Variants in SUPT6H observed in about 807,000 individuals in gnomAD.
The protein encoded by SUPT6H is SPT6 homolog, histone chaperone and transcription elongation factor.
In SUPT6H, 11 loss-of-function variants were observed where a neutral mutation model predicts 222.3. The ratio of observed to expected loss-of-function variants is 0.05; its 90% CI spans 0.03 to 0.08. SUPT6H has a LOEUF of 0.08. Among genes scored for constraint, SUPT6H ranks in the 10% least tolerant of loss-of-function variants. The probability of loss-of-function intolerance (pLI) is 1.00; values close to 1 mark genes in which losing one functional copy is unlikely to be tolerated. For synonymous variants in SUPT6H, 762 were observed against 801.2 expected (o/e 0.95, Z 0.83); for missense variants, 1,422 against 2,216.0 (o/e 0.64, Z 7.19).
chr17:28,665,812 A>C (rs984531047), intron 1 of SUPT6H, among the ~76,000 whole-genome samples: 1 of 152,192 alleles, frequency 6.6e-6, no homozygotes, highest in Non-Finnish European at 1.5e-5. Flanking sequence ...GCTACCTGGG[A>C]GGCTGAGGTG....
At position 28,682,767 on chromosome 17, in the gene SUPT6H, T is replaced by G; in HGVS notation, c.1638T>G (p.Phe546Leu). Residue 546 changes from phenylalanine (F) to leucine (L), a missense_variant, in exon 14 of 37, where the codon TTT becomes TTG. Transcript: ENST00000314616. Reference protein sequence around the residue: ...AKKFGLTPEQFGENLRDSYQR... With the variant: ...AKKFGLTPEQLGENLRDSYQR... ...AGTTTGGGCTTACTCCCGAGCAGTT[T>G]GGGGAGAACCTGCGGGATAGCTACC... The G allele has an allele frequency of 6.2e-7, 1 of 1,614,180 alleles. No individual in the cohort carries two copies. The highest frequency in any genetic ancestry group is 8.5e-7 in the Non-Finnish European group (1 of 1,180,010).
intron 1 of SUPT6H, among the ~76,000 whole-genome samples, chr17:28,667,728 CCATTGCTCT>C (rs1267518661): frequency 6.6e-6 from 1 of 151,460 alleles, no homozygotes; most frequent in African/African-American, 2.4e-5. Context: ...CCCAACCTTC[CCATTGCTCT>C]CATAGTCCAG....
chr17:28,680,403 G>C (rs1420989964), intron 11 of SUPT6H, among the ~76,000 whole-genome samples: 1 of 152,066 alleles, frequency 6.6e-6, no homozygotes, highest in Non-Finnish European at 1.5e-5. Context: ...TTTGAGACCA[G>C]ACTGGCCAAC....
chr17:28,695,173 G>T (rs1033410535), intron 28 of SUPT6H, 179 bp from the exon 29 acceptor site: 1 of 625,756 alleles, frequency 1.6e-6, no homozygotes, highest in Non-Finnish European at 2.8e-6. Flanking sequence ...TTGGCCTGTA[G>T]TCTACAGACA....
At position 28,690,508 on chromosome 17, in the gene SUPT6H, C is replaced by G. The variant is rs536353785; in HGVS notation, c.3490+279C>G. Among the ~76,000 whole-genome samples, 8 of 152,338 alleles carry G rather than the reference C, an allele frequency of 5.3e-5. No individual in the cohort carries two copies. The East Asian group carries it at 1.3e-3, about 26-fold the overall frequency. The stretch of plus-strand genomic sequence containing the variant: ...TCAGGGGAACGGCCAGGCACAGTGG[C>G]TCATGCCTGTAATCCCAGCACTTTG... On this transcript the variant is annotated intron_variant, in intron 26 of 36. Transcript: ENST00000314616.
chr17:28,701,145 T>C lies in SUPT6H; in HGVS notation c.4994+17T>C. 6.3e-7 allele frequency: 1 copy of C among 1,599,108 alleles called. No individual in the cohort carries two copies. Among genetic ancestry groups the C allele is most frequent in the Middle Eastern group, 1.7e-4 (1 of 5,954 alleles). Reference sequence around the variant, plus strand: ...GCAGCCAAAGTAAGTATCTGGATGGTGGCACAGTGCAGGTCAGTGGTAGGG... The same window carrying C: ...GCAGCCAAAGTAAGTATCTGGATGGCGGCACAGTGCAGGTCAGTGGTAGGG... On this transcript the variant is annotated intron_variant, in intron 36 of 36. Coordinates refer to ENST00000314616, the MANE Select transcript of SUPT6H (RefSeq NM_003170.5).
intron 24 of SUPT6H, chr17:28,689,105 C>A: frequency 2.3e-6 from 1 of 442,718 alleles, no homozygotes; most frequent in Non-Finnish European, 4.0e-6. Flanking sequence ...ACTAACTACC[C>A]ATTTACTACA....
At chr17:28,700,889 A>C in intron 35 of SUPT6H, 52 bp from the exon 36 acceptor site, 1 of 1,554,852 alleles carries the variant, frequency 6.4e-7, no homozygotes, top group Non-Finnish European at 8.8e-7. Context: ...ATTCACAGCA[A>C]GGCCAAACAA....
chr17:28,677,920 G>GA (rs1386412426), intron 8 of SUPT6H, 104 bp downstream of exon 8: 1 of 1,324,614 alleles, frequency 7.5e-7, no homozygotes, highest in Admixed American at 1.8e-5. Flanking sequence ...CCTGGTATTA[G>GA]AAAACTGTGT....
intron 9 of SUPT6H, 29 bp downstream of exon 9, chr17:28,678,221 G>A: frequency 6.3e-7 from 1 of 1,587,874 alleles, no homozygotes; most frequent in South Asian, 1.1e-5. Flanking sequence ...GTGGCCCATT[G>A]GTGAGAAATT....
chr17:28,685,830 C>T (rs186720292), intron 19 of SUPT6H, among the ~76,000 whole-genome samples: 11 of 152,278 alleles, frequency 7.2e-5, no homozygotes, highest in African/African-American at 2.4e-4. Context: ...GTCCTAACTA[C>T]TCACATTTTA....
Position 28,689,348 on chromosome 17 carries a change from C to T in SUPT6H, c.3135-6C>T. On this transcript the variant is annotated splice_region_variant and splice_polypyrimidine_tract_variant and intron_variant, in intron 24 of 36. Transcript: ENST00000314616. ...ATATCCTGTTCCTTTTCTGCCTTTCCTCCAGCACTGACTCATATATTGAAG... is the reference window on the plus strand; with the variant it reads ...ATATCCTGTTCCTTTTCTGCCTTTCTTCCAGCACTGACTCATATATTGAAG... 2 of 1,614,040 alleles carry T rather than the reference C, an allele frequency of 1.2e-6. No homozygotes were observed. The highest frequency in any genetic ancestry group is 1.7e-6 in the Non-Finnish European group (2 of 1,179,962).
chr17:28,683,590 C>T, intron 16 of SUPT6H, 31 bp from the exon 17 acceptor site: 1 of 1,606,022 alleles, frequency 6.2e-7, no homozygotes, highest in East Asian at 2.2e-5. Context: ...TTTCTCCATT[C>T]CTGACACCAT....
chr17:28,679,360 G>A (rs941637199), intron 11 of SUPT6H, among the ~76,000 whole-genome samples: 3 of 151,880 alleles, frequency 2.0e-5, no homozygotes, highest in African/African-American at 4.8e-5. Flanking sequence ...GCAACAGAGC[G>A]AGACTTCGTC....
chr17:28,685,526 C>T lies in SUPT6H; in HGVS notation c.2487+565C>T, dbSNP rs1469110117. On this transcript the variant is annotated intron_variant, in intron 19 of 36. Coordinates refer to ENST00000314616, the MANE Select transcript of SUPT6H (RefSeq NM_003170.5). ...TTATTATTGAAACAGAGTCTTGCTC[C>T]ATCTCCAGGCTGGAGCGCAGTGGCA... 2.0e-5 allele frequency among the ~76,000 whole-genome samples: 3 copies of T among 150,962 alleles called. No individual in the cohort carries two copies. The East Asian group carries it at 5.8e-4, about 29-fold the overall frequency.
At chr17:28,701,170 G>A (rs2032114564) in intron 36 of SUPT6H, 42 bp downstream of exon 36, 4 of 1,563,342 alleles carry the variant, frequency 2.6e-6, no homozygotes, top group South Asian at 2.3e-5. Context: ...CAGTGGTAGG[G>A]GCAGGTGTTG....
At position 28,687,199 on chromosome 17, in the gene SUPT6H, C is replaced by A. The variant is rs1326389729; in HGVS notation, c.2812C>A (p.Leu938Met). 1 of 1,614,052 alleles carries A rather than the reference C, an allele frequency of 6.2e-7. No individual in the cohort carries two copies. The highest frequency in any genetic ancestry group is 1.1e-5 in the South Asian group (1 of 91,082). The change falls in exon 22 of 37, where the codon CTG (leucine) becomes ATG (methionine). Residue 938 changes from leucine (L) to methionine (M), a missense_variant. Physicochemically the swap from Leu to Met is conservative, Grantham distance 15 (BLOSUM62 2). This residue lies in a region of SUPT6H where 294 missense variants were observed against 382.1 expected (regional missense o/e 0.77). Coordinates refer to ENST00000314616, the MANE Select transcript of SUPT6H (RefSeq NM_003170.5). ...GGTGTGCAGTTCCGATGAAGACATC[C>A]TGTGTCTCAAGTTTCACCCCTTGCA... Reference protein sequence around the residue: ...AQVCSSDEDILCLKFHPLQEH... With the variant: ...AQVCSSDEDIMCLKFHPLQEH...
chr17:28,691,160 C>A, intron 27 of SUPT6H, 97 bp downstream of exon 27: 1 of 1,440,656 alleles, frequency 6.9e-7, no homozygotes, highest in Non-Finnish European at 9.5e-7. Context: ...CTAGATCATT[C>A]TCTCACCAAA....
rs1281037488 is a variant in SUPT6H at position 28,695,284 on chromosome 17, A to G, written c.3775-68A>G. The G allele has an allele frequency of 1.5e-5, 22 of 1,511,908 alleles. 1 individual carries two copies. The South Asian group carries it at 1.7e-4, about 11-fold the overall frequency. 93.7% of individuals were successfully genotyped at this position (1,511,908 alleles called of 1,614,324 possible). A position where few individuals can be genotyped will look rare whatever the true frequency, so the allele number is the denominator to read the frequency against. On this transcript the variant is annotated intron_variant, in intron 28 of 36. Coordinates refer to ENST00000314616, the MANE Select transcript of SUPT6H (RefSeq NM_003170.5). ...TTTCTGCCTGGACTTTGGTTTTCTC[A>G]TGGGTGAAATAGGGCATCGGGCTAG...
Sources: allele counts gnomAD v4.1 joint callset (sites outside exome capture counted in the v4.1 genomes callset), GRCh38; gene constraint gnomAD v4.1.1; regional missense constraint gnomAD v4.1.1; transcripts MANE v1.5; gene names NCBI Gene and HGNC (gene_info 2026-07-23, HGNC 2026-07-21).